CTPS2: variants seen among roughly 807,000 people sequenced by gnomAD.
The protein encoded by CTPS2 is CTP synthase II.
Under a neutral mutation model 46.8 loss-of-function variants are expected in CTPS2, and 19 were observed. The observed-to-expected ratio is 0.41, with a 90% confidence interval of 0.28 to 0.60. The LOEUF is 0.60. CTPS2 is among the 20% of genes least tolerant of loss of function. CTPS2 has a pLI of 0.35. For synonymous variants in CTPS2, 151 were observed against 165.2 expected, an observed-to-expected ratio of 0.91 and a Z score of 0.66; for missense variants, 286 against 447.6, an observed-to-expected ratio of 0.64 and a Z score of 3.26.
At chrX:16,660,635 C>T (rs922433738) in intron 13 of CTPS2, among the ~76,000 whole-genome samples, 7 of 110,610 alleles carry the variant, frequency 6.3e-5, no homozygotes, top group Admixed American at 9.7e-5. Context: ...CTCCTGACCT[C>T]GTGATCCACC....
At chrX:16,599,614 T>C (rs1929527536) in intron 17 of CTPS2, among the ~76,000 whole-genome samples, 1 of 109,343 alleles carries the variant, frequency 9.1e-6, no homozygotes, top group African/African-American at 3.3e-5. Context: ...GTAGCTGGGA[T>C]TACAGGCATG....
At chrX:16,687,474 C>CAAAAAAAAAAA (rs35798035) in intron 8 of CTPS2, among the ~76,000 whole-genome samples, 1 of 44,375 alleles carries the variant, frequency 2.3e-5, no homozygotes, top group African/African-American at 8.3e-5. Flanking sequence ...CACCCTGTGT[C>CAAAAAAAAAAA]AAAAAAAAAA....
chrX:16,698,798 G>A (rs889665003), intron 3 of CTPS2, 125 bp downstream of exon 3: 1 of 566,702 alleles, frequency 1.8e-6, no homozygotes, highest in Admixed American at 3.6e-5. Context: ...TGATCCACTG[G>A]CCTCAGCCTC....
chrX:16,602,328 C>G (rs73448226), intron 17 of CTPS2, among the ~76,000 whole-genome samples: 2,431 of 109,091 alleles, frequency 0.022, 95 homozygotes, highest in African/African-American at 0.077. Context: ...ATGCAGGGGA[C>G]GGGGGTAGCA....
intron 13 of CTPS2, among the ~76,000 whole-genome samples, chrX:16,648,609 A>T (rs1027431849): frequency 8.9e-6 from 1 of 112,831 alleles, no homozygotes; most frequent in Non-Finnish European, 1.9e-5. Context: ...ATGCATTGCC[A>T]AAATCAGAAT....
chrX:16,662,695 A>C (rs1171993925), intron 13 of CTPS2, among the ~76,000 whole-genome samples: 1 of 90,369 alleles, frequency 1.1e-5, no homozygotes, highest in Non-Finnish European at 2.3e-5. Context: ...CTATCTCCTT[A>C]GTCTTTTTTT....
intron 1 of CTPS2, among the ~76,000 whole-genome samples, chrX:16,704,932 G>C (rs1300288601): frequency 9.1e-6 from 1 of 109,513 alleles, no homozygotes; most frequent in Non-Finnish European, 1.9e-5. Flanking sequence ...TGGGCAATGA[G>C]AGCGAAACTC....
At chrX:16,642,559 G>T (rs1410961166) in intron 13 of CTPS2, among the ~76,000 whole-genome samples, 1 of 111,514 alleles carries the variant, frequency 9.0e-6, no homozygotes, top group Admixed American at 9.5e-5. Context: ...CACTCAGGAA[G>T]CGGAAGGTCA....
At position 16,645,253 on chromosome X, in the gene CTPS2, AAAGT is replaced by A. The variant is rs750580001; in HGVS notation, c.1297-6014_1297-6011del. Among the ~76,000 whole-genome samples the A allele has an allele frequency of 1.9e-3, 205 of 108,813 alleles. 1 individual carries two copies. The highest frequency in any genetic ancestry group is 2.9e-3 in the Non-Finnish European group (152 of 52,392). 94.5% of individuals were successfully genotyped at this position (108,813 alleles called of 115,157 possible). A position where few individuals can be genotyped will look rare whatever the true frequency, so the allele number is the denominator to read the frequency against. Reference sequence around the variant, plus strand: ...TGTGAACCACACGCCTCAGCCTCCCAAAGTGCTAGGATTACAGGCATGAGCCACT... The same window carrying A: ...TGTGAACCACACGCCTCAGCCTCCCAGCTAGGATTACAGGCATGAGCCACT... On this transcript the variant is annotated intron_variant, in intron 13 of 18. Coordinates refer to ENST00000359276, the MANE Select transcript of CTPS2 (RefSeq NM_175859.3).
chrX:16,620,147 A>C, intron 15 of CTPS2, 130 bp downstream of exon 15: 2 of 412,316 alleles, frequency 4.9e-6, no homozygotes, highest in Non-Finnish European at 8.2e-6. Context: ...AGACTGTGGG[A>C]AATTTGGTCC....
chrX:16,594,429 C>G (rs1929122369), intron 17 of CTPS2, among the ~76,000 whole-genome samples: 1 of 111,647 alleles, frequency 9.0e-6, no homozygotes, highest in Non-Finnish European at 1.9e-5. Context: ...TTTTGAGAGT[C>G]AAAAGAAACT....
At chrX:16,680,296 C>T (rs1481998656) in intron 9 of CTPS2, among the ~76,000 whole-genome samples, 2 of 111,493 alleles carry the variant, frequency 1.8e-5, no homozygotes, top group African/African-American at 6.5e-5. Flanking sequence ...CAGTGGCTCA[C>T]GTCTATAATC....
intron 16 of CTPS2, among the ~76,000 whole-genome samples, chrX:16,612,196 G>A (rs1445117303): frequency 8.9e-6 from 1 of 112,082 alleles, no homozygotes; most frequent in Non-Finnish European, 1.9e-5. Flanking sequence ...TAATGCTGTT[G>A]ATTGCTTTAA....
At chrX:16,651,230 G>C in intron 13 of CTPS2, 1 of 905,511 alleles carries the variant, frequency 1.1e-6, no homozygotes, top group African/African-American at 2.0e-5. Flanking sequence ...AGCCTTATAG[G>C]GACCGTCGCT....
intron 1 of CTPS2, among the ~76,000 whole-genome samples, chrX:16,708,521 G>GAAAT (rs914127567): frequency 7.3e-5 from 8 of 110,271 alleles, no homozygotes; most frequent in East Asian, 5.6e-4. Flanking sequence ...GACTCCGTCT[G>GAAAT]AAATAAATAA....
chrX:16,664,439 G>A (rs1280374571), intron 13 of CTPS2, among the ~76,000 whole-genome samples: 1 of 111,278 alleles, frequency 9.0e-6, no homozygotes, highest in South Asian at 3.8e-4. Flanking sequence ...TGAGTTACAA[G>A]CTATAAAAAA....
chrX:16,603,603 A>C (rs1191342070), intron 17 of CTPS2, among the ~76,000 whole-genome samples: 1 of 94,348 alleles, frequency 1.1e-5, no homozygotes, highest in Non-Finnish European at 2.1e-5. Flanking sequence ...AGATAGATAG[A>C]TACACTCACT....
intron 1 of CTPS2, among the ~76,000 whole-genome samples, chrX:16,709,732 T>C (rs59373014): frequency 0.13 from 12,995 of 103,474 alleles, 1,175 homozygotes; most frequent in African/African-American, 0.32. Context: ...ACCTGTAGTC[T>C]CAGGTACTCG....
rs1930153868 is a variant in CTPS2 at position 16,609,465 on chromosome X, T to C, written c.1691+76A>G. On this transcript the variant is annotated intron_variant, in intron 17 of 18. Transcript: ENST00000359276. ...CACATTTAAAAATTCTATAGTGGTA[T>C]TAATTTTTGTAAGAAACCCTAAGAT... 7 of 1,007,865 alleles carry C rather than the reference T, an allele frequency of 6.9e-6. No individual in the cohort carries two copies. In the East Asian group the frequency reaches 1.9e-4, roughly 27 times the overall value. The allele number at this position is 1,007,865 out of a possible 1,213,427, so 83.1% of individuals were successfully genotyped here. A position where few individuals can be genotyped will look rare whatever the true frequency, so the allele number is the denominator to read the frequency against.
Sources: gnomAD v4.1 joint callset for allele counts (sites outside exome capture counted in the v4.1 genomes callset) on GRCh38, gnomAD v4.1.1 for gene constraint, MANE v1.5 for transcripts, NCBI Gene and HGNC (gene_info 2026-07-23, HGNC 2026-07-21) for gene names.